CACNA1B: variants seen among roughly 807,000 people sequenced by gnomAD.
CACNA1B encodes voltage-dependent N-type calcium channel subunit alpha-1B.
Under a neutral mutation model 247.2 loss-of-function variants are expected in CACNA1B, and 70 were observed. The observed-to-expected ratio is 0.28, with a 90% CI of 0.23 to 0.35. The LOEUF (loss-of-function observed/expected upper bound fraction) is 0.35. CACNA1B is among the 10% of genes least tolerant of loss of function. The pLI is 1.00. For missense variants in CACNA1B, 2,367 were observed against 3,197.4 expected (o/e 0.74, Z 6.26); for synonymous variants, 1,231 against 1,294.4 (o/e 0.95, Z 1.05).
intron 31 of CACNA1B, among the ~76,000 whole-genome samples, chr9:138,062,968 T>C (rs1298416522): frequency 1.3e-5 from 2 of 152,270 alleles, no homozygotes. Context: ...GTCTCTTACC[T>C]TGGAGTCCTT....
rs552660687 is a variant in CACNA1B at position 138,012,025 on chromosome 9, C to G, written c.2161-1104C>G. Among the ~76,000 whole-genome samples the G allele has an allele frequency of 1.3e-5, 2 of 152,238 alleles. No individual in the cohort carries two copies. The highest frequency in any genetic ancestry group is 4.2e-4 in the South Asian group (2 of 4,818). ...GAACCCAGGTGCCGAGCATGTTGGT[C>G]TTGTTTAGTGACTTAGGGTCAGGGC... On this transcript the variant is annotated intron_variant, in intron 17 of 46. Transcript: ENST00000371372. This position sits in a 1 kb window ranked among gnomAD's most constrained non-coding sequence, Gnocchi z 4.2.
At chr9:137,941,069 T>C (rs879847406) in intron 6 of CACNA1B, among the ~76,000 whole-genome samples, 3 of 152,020 alleles carry the variant, frequency 2.0e-5, no homozygotes, top group East Asian at 3.9e-4. Context: ...ACCAGAGCAA[T>C]CAGACAAGAG....
intron 12 of CACNA1B, among the ~76,000 whole-genome samples, chr9:137,978,325 T>TC (rs372073645): frequency 1.4e-3 from 132 of 94,352 alleles, no homozygotes; most frequent in Non-Finnish European, 1.3e-3. Flanking sequence ...TGGGAGCACT[T>TC]CCCCCCCCAG....
At chr9:138,015,114 C>G (rs1403164664) in intron 18 of CACNA1B, among the ~76,000 whole-genome samples, 1 of 152,078 alleles carries the variant, frequency 6.6e-6, no homozygotes, top group Admixed American at 6.6e-5. Context: ...GGTGTCAGCT[C>G]CAGTGCCAGC....
In CACNA1B at chr9:138,102,827, C is replaced by T; in HGVS notation, c.5319+20C>T. ...TACAAGGTAGACCCTGACCCTGCAA[C>T]CCGCCCCCCAGGAGGCTGTGTGTGC... On this transcript the variant is annotated intron_variant, in intron 38 of 46. Transcript: ENST00000371372. This position sits in a 1 kb window ranked among gnomAD's most constrained non-coding sequence, Gnocchi z 5.4. The T allele has an allele frequency of 2.0e-6, 3 of 1,522,594 alleles. No homozygotes were observed. Among genetic ancestry groups the T allele is most frequent in the Non-Finnish European group, 2.7e-6 (3 of 1,100,876 alleles). 94.3% of individuals were successfully genotyped at this position (1,522,594 alleles called of 1,614,324 possible). A position where few individuals can be genotyped will look rare whatever the true frequency, so the allele number is the denominator to read the frequency against.
intron 6 of CACNA1B, among the ~76,000 whole-genome samples, chr9:137,949,256 G>GTGGTGT (rs1189985180): frequency 4.7e-3 from 681 of 143,864 alleles, no homozygotes; most frequent in African/African-American, 6.7e-3. Flanking sequence ...TGTGGTGTGT[G>GTGGTGT]GTGCGTGTGT....
chr9:138,047,392 G>T lies in CACNA1B; in HGVS notation c.3544-7G>T. The T allele has an allele frequency of 6.2e-7, 1 of 1,606,160 alleles. No homozygotes were observed. The highest frequency in any genetic ancestry group is 1.1e-5 in the South Asian group (1 of 90,872). ...GCCTTTGAGAATAACCTTCCTTTTG[G>T]TTTCAGGCTCTGAAATACCTGGATT... On this transcript the variant is annotated splice_region_variant and splice_polypyrimidine_tract_variant and intron_variant, in intron 22 of 46. Coordinates refer to ENST00000371372, the MANE Select transcript of CACNA1B (RefSeq NM_000718.4).
rs1343978154 is a variant in CACNA1B at position 137,891,347 on chromosome 9, C to G, written c.530+8464C>G. On this transcript the variant is annotated intron_variant, in intron 3 of 46. Transcript: ENST00000371372. This position sits in a 1 kb window ranked among gnomAD's most constrained non-coding sequence, Gnocchi z 4.3. The stretch of plus-strand genomic sequence containing the variant: ...GGCTGGCTGTAGAAGAGCCGCCCCT[C>G]CTGGGGGCTGGCCTGTTCGAAGCCG... 6.6e-6 allele frequency: 1 copy of G among 152,538 alleles called. No homozygotes were observed. The highest frequency in any genetic ancestry group is 6.5e-5 in the Admixed American group (1 of 15,292). The allele number at this position is 152,538 out of a possible 1,614,324, so 9.4% of individuals were successfully genotyped here. A position where few individuals can be genotyped will look rare whatever the true frequency, so the allele number is the denominator to read the frequency against.
chr9:138,118,809 TGGG>T (rs958158710), intron 44 of CACNA1B, 41 bp downstream of exon 44: 1 of 844,172 alleles, frequency 1.2e-6, no homozygotes, highest in African/African-American at 1.8e-5. Context: ...GCTGGGCAAG[TGGG>T]GGGTGGGGAA....
intron 21 of CACNA1B, among the ~76,000 whole-genome samples, chr9:138,045,192 G>T (rs1959171539): frequency 6.6e-6 from 1 of 152,216 alleles, no homozygotes; most frequent in Non-Finnish European, 1.5e-5. Context: ...ACAGAACTGG[G>T]TCAGAACACA....
intron 3 of CACNA1B, among the ~76,000 whole-genome samples, chr9:137,910,236 G>C (rs963911460): frequency 6.6e-6 from 1 of 152,130 alleles, no homozygotes; most frequent in Admixed American, 6.6e-5. Context: ...TTAAAATTGA[G>C]TTGTTTTTAT....
chr9:138,085,897 A>G (rs1267587466), intron 36 of CACNA1B, among the ~76,000 whole-genome samples: 2 of 151,334 alleles, frequency 1.3e-5, no homozygotes, highest in Non-Finnish European at 2.9e-5. Context: ...GAAATACACA[A>G]GGGAGTCCTA....
chr9:137,895,073 C>CA (rs1452287674), intron 3 of CACNA1B, among the ~76,000 whole-genome samples: 2 of 152,106 alleles, frequency 1.3e-5, no homozygotes, highest in African/African-American at 4.8e-5. Flanking sequence ...TGTGGGTGTC[C>CA]AGTGGCACCA....
rs1589042484 is a variant in CACNA1B, at chr9:137,973,533, T to G, written c.1543+1941T>G. Reference sequence around the variant, plus strand: ...CAGGACTTGCCATCCTGTGAGCCCCTGGGGGGCCTTATGCAGCTCACCAGA... The same window carrying G: ...CAGGACTTGCCATCCTGTGAGCCCCGGGGGGGCCTTATGCAGCTCACCAGA... On this transcript the variant is annotated intron_variant, in intron 11 of 46. Coordinates refer to ENST00000371372, the MANE Select transcript of CACNA1B (RefSeq NM_000718.4). This position sits in a 1 kb window ranked among gnomAD's most constrained non-coding sequence, Gnocchi z 4.1. Among the ~76,000 whole-genome samples, 1 of 152,160 alleles carries G rather than the reference T, an allele frequency of 6.6e-6. No individual in the cohort carries two copies. Among genetic ancestry groups the G allele is most frequent in the Non-Finnish European group, 1.5e-5 (1 of 68,020 alleles).
Position 138,052,010 on chromosome 9 carries a change from G to T in CACNA1B, c.3711-82G>T. 1.3e-6 allele frequency: 1 copy of T among 757,982 alleles called. No homozygotes were observed. 47.0% of individuals were successfully genotyped at this position (757,982 alleles called of 1,614,324 possible). A position where few individuals can be genotyped will look rare whatever the true frequency, so the allele number is the denominator to read the frequency against. ...TGAGACAAAATGCACAGGGGAGCAG[G>T]ACTCAGACCCTGGGGGGCCACGTGG... On this transcript the variant is annotated intron_variant, in intron 24 of 46. Coordinates refer to ENST00000371372, the MANE Select transcript of CACNA1B (RefSeq NM_000718.4). This position sits in a 1 kb window ranked among gnomAD's most constrained non-coding sequence, Gnocchi z 5.1.
intron 42 of CACNA1B, among the ~76,000 whole-genome samples, chr9:138,116,748 G>C (rs995421786): frequency 1.3e-5 from 2 of 152,208 alleles, no homozygotes; most frequent in Non-Finnish European, 2.9e-5. Flanking sequence ...GGCCTTGGAC[G>C]TGGTGTTATT....
At chr9:137,896,096 G>A (rs774453574) in intron 3 of CACNA1B, among the ~76,000 whole-genome samples, 5 of 152,042 alleles carry the variant, frequency 3.3e-5, no homozygotes, top group East Asian at 1.9e-4. Context: ...AAAGTTAGCC[G>A]GGTGTGGTGG....
Position 138,112,427 on chromosome 9 carries a change from G to T in CACNA1B, c.5458G>T (p.Glu1820Ter), listed in dbSNP as rs1554760316. 6.2e-7 allele frequency: 1 copy of T among 1,613,740 alleles called. No homozygotes were observed. The highest frequency in any genetic ancestry group is 1.3e-5 in the African/African-American group (1 of 75,066). Residue 1820 changes from glutamate to a stop codon, truncating the protein, a stop_gained, in exon 40 of 47, where the codon GAG becomes TAG. Coordinates refer to ENST00000371372, the MANE Select transcript of CACNA1B (RefSeq NM_000718.4). LOFTEE classifies it high-confidence loss of function. ...AGTKQHQCDA[E>*]LRKEISVVWA... Reference sequence around the variant, plus strand: ...GACAAAGCAGCATCAGTGTGACGCGGAGTTGAGGAAGGAGATTTCCGTTGT... The same window carrying T: ...GACAAAGCAGCATCAGTGTGACGCGTAGTTGAGGAAGGAGATTTCCGTTGT...
chr9:138,059,656 C>A lies in CACNA1B; in HGVS notation c.4587C>A (p.Asn1529Lys). The A allele has an allele frequency of 6.3e-7, 1 of 1,591,506 alleles. No individual in the cohort carries two copies. The highest frequency in any genetic ancestry group is 8.6e-7 in the Non-Finnish European group (1 of 1,159,346). Residue 1529 changes from asparagine to lysine, a missense_variant and splice_region_variant, in exon 31 of 47, where the codon AAC becomes AAA. Coordinates refer to ENST00000371372, the MANE Select transcript of CACNA1B (RefSeq NM_000718.4). The surrounding 1 kb of genome is among the most constrained non-coding windows in gnomAD (Gnocchi z 4.2). ...VLKIIAFGVL[N>K]YFRDAWNVFD... Reference sequence around the variant, plus strand: ...TAACTGCTCTTCTTTTTCTCTAGAACTATTTCAGAGATGCCTGGAATGTCT... The same window carrying A: ...TAACTGCTCTTCTTTTTCTCTAGAAATATTTCAGAGATGCCTGGAATGTCT...
Sources: allele counts gnomAD v4.1 joint callset (sites outside exome capture counted in the v4.1 genomes callset), GRCh38; gene constraint gnomAD v4.1.1; non-coding constraint Gnocchi (gnomAD v3.1); transcripts MANE v1.5; gene names NCBI Gene and HGNC (gene_info 2026-07-23, HGNC 2026-07-21).